PAPSS1: variants seen among roughly 807,000 people sequenced by gnomAD.
PAPSS1 encodes the protein 3'-phosphoadenosine 5'-phosphosulfate synthase 1, also known as bifunctional 3'-phosphoadenosine 5'-phosphosulfate synthase 1.
A neutral mutation model predicts 72.0 loss-of-function variants in PAPSS1; 50 were observed. That is an observed-to-expected ratio of 0.69 (90% CI 0.55 to 0.88). The LOEUF (loss-of-function observed/expected upper bound fraction) is 0.88, where lower values mean the gene tolerates loss of function less well. Ranked by LOEUF, PAPSS1 falls within the 40% of genes least tolerant of loss-of-function variation. The probability of loss-of-function intolerance (pLI) is 0.00; values close to 1 mark genes in which losing one functional copy is unlikely to be tolerated. For missense variants in PAPSS1, 657 were observed against 782.2 expected (o/e 0.84, Z 1.91); for synonymous variants, 261 against 263.6 (o/e 0.99, Z 0.09).
Position 107,719,754 on chromosome 4 carries a change from A to C in PAPSS1, c.60+366T>G, listed in dbSNP as rs907227800. The stretch of plus-strand genomic sequence containing the variant: ...TCAGGCCACTCCAAGGTATGCAGGA[A>C]GCTCCTGTTTCTGCAGCCGCAGGTT... On this transcript the variant is annotated intron_variant, in intron 1 of 11. Transcript: ENST00000265174. 10 of 1,059,416 alleles carry C rather than the reference A, an allele frequency of 9.4e-6. No homozygotes were observed. The African/African-American group carries it at 1.4e-4, about 14-fold the overall frequency. 65.6% of individuals were successfully genotyped at this position (1,059,416 alleles called of 1,614,324 possible). A position where few individuals can be genotyped will look rare whatever the true frequency, so the allele number is the denominator to read the frequency against.
chr4:107,690,077 G>A (rs1722878559), intron 3 of PAPSS1, among the ~76,000 whole-genome samples: 1 of 152,120 alleles, frequency 6.6e-6, no homozygotes, highest in South Asian at 2.1e-4. Flanking sequence ...TGGTGCTACG[G>A]CAAGCCTCCT....
At position 107,663,257 on chromosome 4, in the gene PAPSS1, C is replaced by T. The variant is rs183437514; in HGVS notation, c.670-3185G>A. 2.1e-3 allele frequency among the ~76,000 whole-genome samples: 316 copies of T among 152,046 alleles called. 3 individuals are homozygous for T. The highest frequency in any genetic ancestry group is 7.2e-3 in the African/African-American group (299 of 41,494). On this transcript the variant is annotated intron_variant, in intron 5 of 11. Transcript: ENST00000265174. Reference sequence around the variant, plus strand: ...CTATAGGTCAGTTATTTCCAATGTTCTTATCACTAAGAATATGAAGTAAAA... The same window carrying T: ...CTATAGGTCAGTTATTTCCAATGTTTTTATCACTAAGAATATGAAGTAAAA...
intron 11 of PAPSS1, among the ~76,000 whole-genome samples, chr4:107,625,754 C>T (rs902087816): frequency 1.3e-5 from 2 of 152,150 alleles, no homozygotes; most frequent in African/African-American, 4.8e-5. Flanking sequence ...CACTGATGTA[C>T]AGGTTTAAAA....
At chr4:107,652,293 G>T (rs1294647146) in intron 9 of PAPSS1, among the ~76,000 whole-genome samples, 1 of 152,082 alleles carries the variant, frequency 6.6e-6, no homozygotes, top group Non-Finnish European at 1.5e-5. Flanking sequence ...CAATTTTAAG[G>T]CTTAAAAAAG....
intron 1 of PAPSS1, among the ~76,000 whole-genome samples, chr4:107,708,333 G>C (rs888516247): frequency 6.6e-6 from 1 of 152,108 alleles, no homozygotes; most frequent in African/African-American, 2.4e-5. Flanking sequence ...TTTAGCTTTA[G>C]CTCCCATTGA....
chr4:107,647,971 T>C (rs1019533350), intron 9 of PAPSS1, among the ~76,000 whole-genome samples: 1 of 152,178 alleles, frequency 6.6e-6, no homozygotes, highest in African/African-American at 2.4e-5. Context: ...GCTCATTACC[T>C]ACCTCTTTCC....
intron 3 of PAPSS1, among the ~76,000 whole-genome samples, chr4:107,693,268 C>T (rs534499261): frequency 6.6e-6 from 1 of 151,730 alleles, no homozygotes; most frequent in Admixed American, 6.6e-5. Flanking sequence ...AGGGAGGAAA[C>T]AAAAATCCTG....
At chr4:107,648,959 A>G (rs982446763) in intron 9 of PAPSS1, among the ~76,000 whole-genome samples, 1 of 152,248 alleles carries the variant, frequency 6.6e-6, no homozygotes, top group African/African-American at 2.4e-5. Flanking sequence ...ATTTTTCACA[A>G]AACTGGTAAA....
chr4:107,614,067 G>A lies in PAPSS1; in HGVS notation c.*182C>T. On this transcript the variant is annotated 3_prime_UTR_variant, in exon 12 of 12. Transcript: ENST00000265174. ...TGGAAAAGATACATTAAAACCATCA[G>A]TGTGTTACACTTGTTCAAAACAGAA... 2 of 454,152 alleles carry A rather than the reference G, an allele frequency of 4.4e-6. No individual in the cohort carries two copies. Among genetic ancestry groups the A allele is most frequent in the Non-Finnish European group, 7.8e-6 (2 of 255,042 alleles). 28.1% of individuals were successfully genotyped at this position (454,152 alleles called of 1,614,324 possible).
chr4:107,660,581 C>T (rs201827615), intron 5 of PAPSS1, among the ~76,000 whole-genome samples: 51 of 152,240 alleles, frequency 3.3e-4, no homozygotes, highest in East Asian at 3.3e-3. Flanking sequence ...TGATCCCACA[C>T]GAAATGCAGC....
chr4:107,714,742 C>T (rs577050424), intron 1 of PAPSS1, among the ~76,000 whole-genome samples: 1 of 152,230 alleles, frequency 6.6e-6, no homozygotes, highest in African/African-American at 2.4e-5. Flanking sequence ...TCCAGAATTG[C>T]CAAATGCCCC....
At chr4:107,671,906 G>A (rs1476086) in intron 5 of PAPSS1, among the ~76,000 whole-genome samples, 56,724 of 151,964 alleles carry the variant, frequency 0.37, 11,191 homozygotes, top group South Asian at 0.55. Flanking sequence ...ATCCACAAAT[G>A]TGGAACCCAC....
intron 9 of PAPSS1, among the ~76,000 whole-genome samples, chr4:107,652,904 G>A (rs1726886852): frequency 6.6e-6 from 1 of 151,908 alleles, no homozygotes; most frequent in Non-Finnish European, 1.5e-5. Flanking sequence ...TTTCTCTATT[G>A]TTTAAATCAT....
chr4:107,620,690 T>C (rs2726196), intron 11 of PAPSS1, among the ~76,000 whole-genome samples: 6,567 of 152,228 alleles, frequency 0.043, 165 homozygotes, highest in East Asian at 0.11. Context: ...CTATAATGCA[T>C]AGGACAGCCT....
intron 5 of PAPSS1, among the ~76,000 whole-genome samples, chr4:107,666,478 T>C (rs1480319017): frequency 6.6e-6 from 1 of 152,192 alleles, no homozygotes; most frequent in African/African-American, 2.4e-5. Context: ...AGTCTTTATA[T>C]GAATGACCAC....
In PAPSS1 at chr4:107,654,799, G is replaced by T; in HGVS notation, c.997C>A (p.Arg333Ser). Reference sequence around the variant, plus strand: ...GGATTGCGAAGAATGGCCACACGGCGGCCCTCATACATCAGAGCAAATGCT... The same window carrying T: ...GGATTGCGAAGAATGGCCACACGGCTGCCCTCATACATCAGAGCAAATGCT... Reference protein sequence around the residue: ...CTAFALMYEGRRVAILRNPEF... With the variant: ...CTAFALMYEGSRVAILRNPEF... Residue 333 changes from arginine (R) to serine (S), a missense_variant, in exon 8 of 12, where the codon CGC becomes AGC. Around this residue, in one of 7 missense-constraint regions of PAPSS1, gnomAD observed 190 missense variants for 176.7 expected, o/e 1.07. Transcript: ENST00000265174. 6.2e-7 allele frequency: 1 copy of T among 1,613,774 alleles called. No homozygotes were observed. Among genetic ancestry groups the T allele is most frequent in the Admixed American group, 1.7e-5 (1 of 59,986 alleles).
intron 4 of PAPSS1, among the ~76,000 whole-genome samples, chr4:107,684,754 C>T (rs1007652713): frequency 1.3e-5 from 2 of 152,048 alleles, no homozygotes. Context: ...CCTTTCTGGA[C>T]CAAACCAATG....
At chr4:107,660,982 T>C (rs1236444568) in intron 5 of PAPSS1, among the ~76,000 whole-genome samples, 1 of 152,056 alleles carries the variant, frequency 6.6e-6, no homozygotes, top group African/African-American at 2.4e-5. Flanking sequence ...TATCCAAAAA[T>C]ATACAAAATA....
At chr4:107,660,566 CT>C (rs901566102) in intron 5 of PAPSS1, among the ~76,000 whole-genome samples, 6 of 152,138 alleles carry the variant, frequency 3.9e-5, no homozygotes, top group Admixed American at 2.0e-4. Context: ...AAAATCAGAA[CT>C]TTTTGATCCC....
Sources: allele counts gnomAD v4.1 joint callset (sites outside exome capture counted in the v4.1 genomes callset), GRCh38; gene constraint gnomAD v4.1.1; regional missense constraint gnomAD v4.1.1; transcripts MANE v1.5; gene names NCBI Gene and HGNC (gene_info 2026-07-23, HGNC 2026-07-21).